COL4A4: variants seen among roughly 807,000 people sequenced by gnomAD.
COL4A4 encodes collagen alpha-4(IV) chain.
Under a neutral mutation model 192.9 loss-of-function variants are expected in COL4A4, and 105 were observed. The observed-to-expected ratio is 0.54, with a 90% CI of 0.46 to 0.64. The LOEUF (loss-of-function observed/expected upper bound fraction) is 0.64, where lower values mean the gene tolerates loss of function less well. Among genes scored for constraint, COL4A4 ranks in the 30% least tolerant of loss-of-function variants. The probability of loss-of-function intolerance (pLI) is 0.00; values close to 1 mark genes in which losing one functional copy is unlikely to be tolerated. For missense variants in COL4A4, 1,967 were observed against 2,169.3 expected (o/e 0.91, Z 1.85); for synonymous variants, 762 against 769.9 (o/e 0.99, Z 0.17).
intron 22 of COL4A4, among the ~76,000 whole-genome samples, chr2:227,087,460 C>A (rs1233997733): frequency 6.6e-6 from 1 of 152,192 alleles, no homozygotes; most frequent in African/African-American, 2.4e-5. Context: ...CAGTACATGG[C>A]AACTGCCTTC....
intron 1 of COL4A4, among the ~76,000 whole-genome samples, chr2:227,158,845 T>A (rs531922633): frequency 2.3e-4 from 35 of 152,260 alleles, no homozygotes; most frequent in Non-Finnish European, 1.5e-5. Flanking sequence ...CTGGAACTCC[T>A]ATGCATGGTA....
At chr2:227,122,873 A>T (rs6731013) in intron 4 of COL4A4, among the ~76,000 whole-genome samples, 5,382 of 146,990 alleles carry the variant, frequency 0.037, 333 homozygotes, top group African/African-American at 0.13. Flanking sequence ...TATTATTATT[A>T]TTTTTTTTTG....
At chr2:227,157,889 T>C (rs897175986) in intron 1 of COL4A4, among the ~76,000 whole-genome samples, 1 of 151,812 alleles carries the variant, frequency 6.6e-6, no homozygotes, top group African/African-American at 2.4e-5. Flanking sequence ...AAAAAGAGAG[T>C]GCTGGCCAAC....
At chr2:227,130,176 G>A (rs565624084) in intron 4 of COL4A4, among the ~76,000 whole-genome samples, 16 of 152,300 alleles carry the variant, frequency 1.1e-4, no homozygotes, top group Middle Eastern at 3.4e-3. Context: ...TAAAGTAACC[G>A]CACTTGTTCA....
Position 227,164,131 on chromosome 2 carries a change from C to A in COL4A4, c.-226G>T, listed in dbSNP as rs1053137963. 1.3e-5 allele frequency: 2 copies of A among 152,424 alleles called. No individual in the cohort carries two copies. The highest frequency in any genetic ancestry group is 4.8e-5 in the African/African-American group (2 of 41,452). 9.4% of individuals were successfully genotyped at this position (152,424 alleles called of 1,614,324 possible). ...CGCTCTCGCAGCCAAGCCCGGCGGC[C>A]GCAAGTTGGAGGCGGGCTGGAGGCG... On this transcript the variant is annotated 5_prime_UTR_variant, in exon 1 of 48. Coordinates refer to ENST00000396625, the MANE Select transcript of COL4A4 (RefSeq NM_000092.5). The surrounding 1 kb of genome is among the most constrained non-coding windows in gnomAD (Gnocchi z 4.8).
chr2:227,011,101 G>C (rs968689091), intron 45 of COL4A4, among the ~76,000 whole-genome samples: 1 of 152,176 alleles, frequency 6.6e-6, no homozygotes, highest in Admixed American at 6.5e-5. Flanking sequence ...GTTGGCAGAT[G>C]GGAAATCAAC....
Position 227,102,824 on chromosome 2 carries a change from C to T in COL4A4, c.895G>A (p.Gly299Arg), listed in dbSNP as rs757578262. 1.2e-6 allele frequency: 2 copies of T among 1,613,408 alleles called. No homozygotes were observed. The highest frequency in any genetic ancestry group is 3.3e-5 in the Admixed American group (2 of 59,956). ...GGAAATCCAGGAATACCTTTTTCTCCTTTTGCCCCAATACCAGATTCTCCC... is the reference window on the plus strand; with the variant it reads ...GGAAATCCAGGAATACCTTTTTCTCTTTTTGCCCCAATACCAGATTCTCCC... Reference protein sequence around the residue: ...RKGESGIGAKGEKGIPGFPGP... With the variant: ...RKGESGIGAKREKGIPGFPGP... The change falls in exon 15 of 48, where the codon GGA becomes AGA. Residue 299 changes from glycine to arginine, a missense_variant. Physicochemically the swap from Gly to Arg is moderately radical, Grantham distance 125. Transcript: ENST00000396625.
intron 44 of COL4A4, among the ~76,000 whole-genome samples, chr2:227,020,823 AC>A (rs1383794755): frequency 6.6e-6 from 1 of 151,038 alleles, no homozygotes; most frequent in Non-Finnish European, 1.5e-5. Flanking sequence ...TTTGTAAATT[AC>A]CCAATGCAGT....
At chr2:226,984,338 G>T in the COL4A4 span, among the ~76,000 whole-genome samples, 1 of 152,198 alleles carries the variant, frequency 6.6e-6, no homozygotes, top group Non-Finnish European at 1.5e-5. Flanking sequence ...ATATGATCAG[G>T]TTATAGTGGG....
intron 1 of COL4A4, among the ~76,000 whole-genome samples, chr2:227,154,010 C>T (rs1559757614): frequency 6.6e-6 from 1 of 152,284 alleles, no homozygotes; most frequent in East Asian, 1.9e-4. Flanking sequence ...AAGCAGCTCA[C>T]TTCCTCCTCC....
At chr2:227,042,820 C>A (rs1203479040) in intron 36 of COL4A4, among the ~76,000 whole-genome samples, 1 of 152,194 alleles carries the variant, frequency 6.6e-6, no homozygotes, top group African/African-American at 2.4e-5. Context: ...GAGTTGCTAT[C>A]TGTCTGACCA....
chr2:226,983,148 A>T, the COL4A4 span, among the ~76,000 whole-genome samples: 32 of 152,304 alleles, frequency 2.1e-4, no homozygotes, highest in Non-Finnish European at 4.4e-4. Context: ...AAAGTGGGGC[A>T]TGTGGGCATC....
At position 227,056,044 on chromosome 2, in the gene COL4A4, CG is replaced by C; in HGVS notation, c.2616del (p.Gly873AspfsTer77). The C allele has an allele frequency of 1.2e-6, 2 of 1,613,930 alleles. No homozygotes were observed. Among genetic ancestry groups the C allele is most frequent in the Non-Finnish European group, 1.7e-6 (2 of 1,179,950 alleles). ...PPGPAGMKGL[P>X]GLPGRPGAHG... Reference sequence around the variant, plus strand: ...TGTGCCCCAGGCCGTCCTGGGAGTCCGGGGAGGCCTTTCATTCCAGCTGGCC... The same window carrying C: ...TGTGCCCCAGGCCGTCCTGGGAGTCCGGGAGGCCTTTCATTCCAGCTGGCC... On this transcript the variant is annotated frameshift_variant, in exon 30 of 48. Transcript: ENST00000396625. LOFTEE classifies it high-confidence loss of function.
At chr2:227,072,731 G>A (rs1559552586) in intron 25 of COL4A4, among the ~76,000 whole-genome samples, 2 of 152,078 alleles carry the variant, frequency 1.3e-5, no homozygotes, top group Admixed American at 6.6e-5. Context: ...TCCCAGGGAT[G>A]TAGGGATGGT....
chr2:227,033,302 G>T, intron 38 of COL4A4, 108 bp downstream of exon 38: 1 of 936,840 alleles, frequency 1.1e-6, no homozygotes, highest in African/African-American at 1.6e-5. Context: ...GTTTTTTTCA[G>T]TTTTGCCTCC....
intron 17 of COL4A4, 65 bp from the exon 18 acceptor site, chr2:227,099,754 A>C (rs558957460): frequency 1.7e-5 from 24 of 1,384,906 alleles, no homozygotes; most frequent in Middle Eastern, 1.8e-4. Flanking sequence ...CCTGGCATTA[A>C]ACCAGTATTA....
intron 17 of COL4A4, among the ~76,000 whole-genome samples, chr2:227,100,855 A>T (rs2060473001): frequency 6.7e-6 from 1 of 149,502 alleles, no homozygotes; most frequent in Non-Finnish European, 1.5e-5. Context: ...CCCAGGATGG[A>T]GTGCAGTGGT....
intron 25 of COL4A4, among the ~76,000 whole-genome samples, chr2:227,068,546 T>G (rs887460254): frequency 6.6e-6 from 1 of 152,252 alleles, no homozygotes; most frequent in Non-Finnish European, 1.5e-5. Flanking sequence ...ACCCCTGGGA[T>G]GCAAGGCTGG....
chr2:227,153,031 A>AG (rs1418981795), intron 1 of COL4A4, among the ~76,000 whole-genome samples: 1 of 152,210 alleles, frequency 6.6e-6, no homozygotes, highest in Non-Finnish European at 1.5e-5. Context: ...AAGGTGAATG[A>AG]GGAGCAAAGT....
Sources: allele counts gnomAD v4.1 joint callset (sites outside exome capture counted in the v4.1 genomes callset), GRCh38; gene constraint gnomAD v4.1.1; non-coding constraint Gnocchi (gnomAD v3.1); transcripts MANE v1.5; gene names NCBI Gene and HGNC (gene_info 2026-07-23, HGNC 2026-07-21).